The following MRO variants were observed in gnomAD, a reference collection of about 807,000 sequenced individuals.
MRO encodes protein maestro.
A neutral mutation model predicts 31.0 loss-of-function variants in MRO; 28 were observed. The ratio of observed to expected loss-of-function variants is 0.90; its 90% CI spans 0.67 to 1.24. The LOEUF (loss-of-function observed/expected upper bound fraction) is 1.24, where lower values mean the gene tolerates loss of function less well. Ranked by LOEUF, MRO falls within the 50% of genes most tolerant of loss-of-function variation. The probability of loss-of-function intolerance (pLI) is 0.00; values close to 1 mark genes in which losing one functional copy is unlikely to be tolerated. For missense variants in MRO, 332 were observed against 289.2 expected (o/e 1.15, Z -1.07); for synonymous variants, 108 against 108.4 (o/e 1.00, Z 0.02).
At chr18:50,816,684 TC>T (rs144960523) in intron 2 of MRO, among the ~76,000 whole-genome samples, 20,734 of 152,218 alleles carry the variant, frequency 0.14, 1,403 homozygotes, top group Middle Eastern at 0.16. Context: ...GCTTGCAACG[TC>T]TATTTTAAAT....
exon 1 of MRO, chr18:50,825,312 A>T (rs1915476258): frequency 6.6e-6 from 1 of 152,232 alleles, no homozygotes; most frequent in South Asian, 2.1e-4. Context: ...GTCTTACCTG[A>T]GCTAGGCAAT....
rs929611041 is a variant in MRO, at chr18:50,796,407, A to AC, written c.*2929_*2930insG. Reference sequence around the variant, plus strand: ...TTTCAATCTAACAGGATAAAAAAAAAAACATAAAGCCATATACAAAAAAAA... The same window carrying AC: ...TTTCAATCTAACAGGATAAAAAAAAACAACATAAAGCCATATACAAAAAAAA... On this transcript the variant is annotated 3_prime_UTR_variant, in exon 8 of 8. Coordinates refer to ENST00000398439, the MANE Select transcript of MRO (RefSeq NM_031939.6). 23 of 151,830 alleles carry AC rather than the reference A, an allele frequency of 1.5e-4. No homozygotes were observed. The highest frequency in any genetic ancestry group is 3.4e-3 in the Middle Eastern group (1 of 290). The allele number at this position is 151,830 out of a possible 1,614,324, so 9.4% of individuals were successfully genotyped here.
Position 50,807,170 on chromosome 18 carries a change from T to C in MRO, c.100-320A>G, listed in dbSNP as rs571124996. ...GAGGACTTGATCAGTGTTGATGTGA[T>C]GTGGGAATAGGGATCTGTTTCACAG... On this transcript the variant is annotated intron_variant, in intron 3 of 7. Transcript: ENST00000398439. 7.9e-5 allele frequency among the ~76,000 whole-genome samples: 12 copies of C among 152,286 alleles called. 1 individual carries two copies. In the East Asian group the frequency reaches 2.3e-3, roughly 29 times the overall value.
At chr18:50,802,607 A>G (rs2847536) in intron 5 of MRO, among the ~76,000 whole-genome samples, 60,007 of 152,074 alleles carry the variant, frequency 0.39, 13,522 homozygotes, top group Admixed American at 0.54. Context: ...CAAAGAACTG[A>G]GGGTCACAGA....
At chr18:50,806,562 T>C in intron 4 of MRO, 142 bp downstream of exon 4, 1 of 1,008,740 alleles carries the variant, frequency 9.9e-7, no homozygotes, top group Non-Finnish European at 1.5e-6. Flanking sequence ...CGTGTTGCTG[T>C]AAGCTGCTAA....
In MRO at chr18:50,801,357, C is replaced by G; in HGVS notation, c.577G>C (p.Val193Leu). 6.3e-7 allele frequency: 1 copy of G among 1,580,976 alleles called. No homozygotes were observed. Among genetic ancestry groups the G allele is most frequent in the East Asian group, 2.3e-5 (1 of 44,370 alleles). ...LIHLQDRNPQVAKACKTTFQA... is the reference protein window; with the variant it reads ...LIHLQDRNPQLAKACKTTFQA... The stretch of plus-strand genomic sequence containing the variant: ...CAGAGTCAAGGTCTTACCTTGGCAA[C>G]CTGGGGATTTCTGTCCTGTAAATGG... The change falls in exon 6 of 8, where the codon GTT becomes CTT. Residue 193 changes from valine to leucine, a missense_variant. Coordinates refer to ENST00000398439, the MANE Select transcript of MRO (RefSeq NM_031939.6).
chr18:50,820,078 C>G (rs1915246818), upstream of MRO: 2 of 963,048 alleles, frequency 2.1e-6, no homozygotes, highest in African/African-American at 3.2e-5. Flanking sequence ...CATGCGGCCG[C>G]GAGATGGCGG....
chr18:50,820,061 C>T, upstream of MRO: 1 of 1,141,540 alleles, frequency 8.8e-7, no homozygotes, highest in East Asian at 2.6e-5. Context: ...TGCCAAGGCC[C>T]GTTCCCCATG....
intron 2 of MRO, 158 bp downstream of exon 2, chr18:50,819,423 T>G (rs1378458739): frequency 1.0e-6 from 1 of 985,266 alleles, no homozygotes; most frequent in Non-Finnish European, 1.2e-6. Context: ...CATTGCCCAC[T>G]TCAGTTTTAC....
chr18:50,812,196 C>T lies in MRO; in HGVS notation c.-4-2792G>A, dbSNP rs114264195. Among the ~76,000 whole-genome samples the T allele has an allele frequency of 5.8e-3, 888 of 152,268 alleles. 8 individuals are homozygous for T. Among genetic ancestry groups the T allele is most frequent in the African/African-American group, 0.021 (859 of 41,534 alleles). Reference sequence around the variant, plus strand: ...TTTTCCATTATTATTGTTATTATTACTAGATCCATGTTAGTAGGTATGAAG... The same window carrying T: ...TTTTCCATTATTATTGTTATTATTATTAGATCCATGTTAGTAGGTATGAAG... On this transcript the variant is annotated intron_variant, in intron 2 of 7. Coordinates refer to ENST00000398439, the MANE Select transcript of MRO (RefSeq NM_031939.6).
intron 5 of MRO, among the ~76,000 whole-genome samples, chr18:50,804,653 A>C (rs974173361): frequency 6.6e-6 from 1 of 152,086 alleles, no homozygotes; most frequent in Non-Finnish European, 1.5e-5. Context: ...CTTGAGGGTT[A>C]GAGATAAAAT....
intron 3 of MRO, among the ~76,000 whole-genome samples, chr18:50,808,457 C>CTTTAT (rs1914142615): frequency 7.0e-6 from 1 of 142,654 alleles, no homozygotes; most frequent in African/African-American, 2.6e-5. Flanking sequence ...TTTATCTTAT[C>CTTTAT]TTTTTTTTTT....
intron 5 of MRO, among the ~76,000 whole-genome samples, chr18:50,803,205 C>T (rs1768927175): frequency 6.6e-6 from 1 of 151,990 alleles, no homozygotes; most frequent in South Asian, 2.1e-4. Flanking sequence ...TTCCAGGCAA[C>T]CAGGGTTTAA....
At chr18:50,802,775 GC>G (rs1344419725) in intron 5 of MRO, among the ~76,000 whole-genome samples, 1 of 151,904 alleles carries the variant, frequency 6.6e-6, no homozygotes, top group Non-Finnish European at 1.5e-5. Flanking sequence ...GCCCAGGCTG[GC>G]CTCCAACTCC....
Position 50,798,379 on chromosome 18 carries a change from T to C in MRO, c.*958A>G, listed in dbSNP as rs1372906606. 1 of 152,228 alleles carries C rather than the reference T, an allele frequency of 6.6e-6. No individual in the cohort carries two copies. Among genetic ancestry groups the C allele is most frequent in the African/African-American group, 2.4e-5 (1 of 41,450 alleles). 9.4% of individuals were successfully genotyped at this position (152,228 alleles called of 1,614,324 possible). On this transcript the variant is annotated 3_prime_UTR_variant, in exon 8 of 8. Transcript: ENST00000398439. ...GTAGAGGAGCAGAAGCAGAGATGTTTGCATTTGCTTTGTTTTTAACATTTC... is the reference window on the plus strand; with the variant it reads ...GTAGAGGAGCAGAAGCAGAGATGTTCGCATTTGCTTTGTTTTTAACATTTC...
chr18:50,819,911 G>A lies in MRO; in HGVS notation c.-141C>T, dbSNP rs3813090. The A allele has an allele frequency of 4.5e-6, 7 of 1,551,588 alleles. No individual in the cohort carries two copies. In the East Asian group the frequency reaches 1.2e-4, roughly 27 times the overall value. ...TGACTTGCTACCTTTGCTTCCCCAC[G>A]CCATGCTGAGGTGTTTTTCCTTCTC... On this transcript the variant is annotated 5_prime_UTR_variant, in exon 1 of 8. Coordinates refer to ENST00000398439, the MANE Select transcript of MRO (RefSeq NM_031939.6).
chr18:50,802,451 T>C (rs1214584652), intron 5 of MRO, among the ~76,000 whole-genome samples: 2 of 152,198 alleles, frequency 1.3e-5, no homozygotes, highest in Non-Finnish European at 2.9e-5. Flanking sequence ...AAAATCACAC[T>C]GTCGGGTAAC....
At chr18:50,804,162 G>A (rs1190939265) in intron 5 of MRO, among the ~76,000 whole-genome samples, 28 of 150,870 alleles carry the variant, frequency 1.9e-4, no homozygotes, top group Non-Finnish European at 7.5e-5. Context: ...GGGTTATTGG[G>A]AAGATTATAT....
chr18:50,812,510 T>C (rs766703448), intron 2 of MRO, among the ~76,000 whole-genome samples: 1 of 152,228 alleles, frequency 6.6e-6, no homozygotes, highest in Non-Finnish European at 1.5e-5. Flanking sequence ...AGTTTTTATT[T>C]TTAATGAAGT....
Sources: gnomAD v4.1 joint callset for allele counts (sites outside exome capture counted in the v4.1 genomes callset) on GRCh38, gnomAD v4.1.1 for gene constraint, MANE v1.5 for transcripts, NCBI Gene and HGNC (gene_info 2026-07-23, HGNC 2026-07-21) for gene names.